The following STARD13 variants were observed in gnomAD, a reference collection of about 807,000 sequenced individuals.
STARD13 encodes the protein stAR-related lipid transfer protein 13.
Under a neutral mutation model 106.4 loss-of-function variants are expected in STARD13, and 62 were observed. That is an observed-to-expected ratio of 0.58 (90% CI 0.48 to 0.72). The LOEUF (loss-of-function observed/expected upper bound fraction) is 0.72. STARD13 is among the 30% of genes least tolerant of loss of function. The pLI, the probability that STARD13 is intolerant of heterozygous loss-of-function variation, is 0.00. For missense variants in STARD13, 1,387 were observed against 1,424.0 expected (o/e 0.97, Z 0.42); for synonymous variants, 565 against 553.0 (o/e 1.02, Z -0.31).
chr13:33,478,139 T>C, the STARD13 span, among the ~76,000 whole-genome samples: 1 of 152,182 alleles, frequency 6.6e-6, no homozygotes, highest in Non-Finnish European at 1.5e-5. Flanking sequence ...AAACTCCCAA[T>C]TTTAGTTGGC....
intron 4 of STARD13, among the ~76,000 whole-genome samples, chr13:33,135,686 C>T (rs1788886238): frequency 6.6e-6 from 1 of 152,092 alleles, no homozygotes; most frequent in Admixed American, 6.5e-5. Context: ...TTTTAACTTG[C>T]CTTAAAAAAC....
At chr13:33,499,605 T>TC in the STARD13 span, among the ~76,000 whole-genome samples, 54 of 27,270 alleles carry the variant, frequency 2.0e-3, 1 homozygote, top group Non-Finnish European at 2.3e-3. Context: ...TTCTTCTTCT[T>TC]TCTTCTTCTT....
intron 6 of STARD13, among the ~76,000 whole-genome samples, chr13:33,126,987 AATCAATGCTC>A (rs1455253313): frequency 2.5e-4 from 38 of 152,386 alleles, no homozygotes; most frequent in South Asian, 1.2e-3. Context: ...TCTTTGAATG[AATCAATGCTC>A]TAAGTGGTAA....
At chr13:33,568,638 T>G in the STARD13 span, among the ~76,000 whole-genome samples, 97 of 148,162 alleles carry the variant, frequency 6.5e-4, 14 homozygotes, top group Middle Eastern at 0.01. Context: ...ATTAGTTTCT[T>G]GGGTTGTTGA....
At chr13:33,351,262 A>G (rs2078076688), upstream of STARD13, among the ~76,000 whole-genome samples, 1 of 152,256 alleles carries the variant, frequency 6.6e-6, no homozygotes, top group African/African-American at 2.4e-5. Context: ...ATAGATTTAC[A>G]TACTTTGAGA....
intron 6 of STARD13, among the ~76,000 whole-genome samples, chr13:33,126,723 A>C (rs74796280): frequency 0.069 from 10,496 of 152,296 alleles, 523 homozygotes; most frequent in East Asian, 0.25. Flanking sequence ...GCATATATTG[A>C]TTTGACCATG....
At chr13:33,512,961 C>T in the STARD13 span, among the ~76,000 whole-genome samples, 1 of 152,154 alleles carries the variant, frequency 6.6e-6, no homozygotes, top group African/African-American at 2.4e-5. Flanking sequence ...ACTGGTTAAG[C>T]CACCCAATGT....
the STARD13 span, among the ~76,000 whole-genome samples, chr13:33,567,023 C>A: frequency 1.9e-4 from 28 of 148,216 alleles, 3 homozygotes; most frequent in Non-Finnish European, 2.1e-4. Flanking sequence ...TTCTAATATT[C>A]CCATAGTGCA....
At chr13:33,329,570 A>G (rs552533345) in intron 1 of STARD13, among the ~76,000 whole-genome samples, 1 of 151,616 alleles carries the variant, frequency 6.6e-6, no homozygotes, top group Non-Finnish European at 1.5e-5. Flanking sequence ...GCTTAGCATA[A>G]CTTCCTCCAG....
intron 1 of STARD13, among the ~76,000 whole-genome samples, chr13:33,323,725 T>G (rs752709825): frequency 6.6e-6 from 1 of 152,228 alleles, no homozygotes; most frequent in Non-Finnish European, 1.5e-5. Flanking sequence ...AAATGGATTC[T>G]GGCAGAAAAC....
chr13:33,136,098 G>A (rs1314192746), intron 4 of STARD13, among the ~76,000 whole-genome samples: 2 of 151,116 alleles, frequency 1.3e-5, no homozygotes, highest in Non-Finnish European at 2.9e-5. Flanking sequence ...TGTAGCCTGG[G>A]TGATGAAGTG....
the STARD13 span, among the ~76,000 whole-genome samples, chr13:33,356,530 C>T: frequency 6.6e-6 from 1 of 152,186 alleles, no homozygotes; most frequent in African/African-American, 2.4e-5. Context: ...TCCGCACCTA[C>T]TAGCTGTGTA....
chr13:33,656,200 T>C, the STARD13 span, among the ~76,000 whole-genome samples: 2 of 152,234 alleles, frequency 1.3e-5, no homozygotes, highest in South Asian at 4.1e-4. Flanking sequence ...ATAGTCTGGT[T>C]TCTCTGTTCT....
At chr13:33,434,081 T>C in the STARD13 span, among the ~76,000 whole-genome samples, 1 of 152,118 alleles carries the variant, frequency 6.6e-6, no homozygotes, top group South Asian at 2.1e-4. Context: ...GGCCAGGCGC[T>C]GTGGCTCACG....
intron 1 of STARD13, among the ~76,000 whole-genome samples, chr13:33,179,166 C>A (rs1372826284): frequency 6.6e-6 from 1 of 152,104 alleles, no homozygotes; most frequent in Admixed American, 6.5e-5. Flanking sequence ...TTAAAAAGAA[C>A]CTGTCAATGT....
At chr13:33,128,805 A>G in intron 5 of STARD13, 124 bp downstream of exon 5, 2 of 942,494 alleles carry the variant, frequency 2.1e-6, no homozygotes, top group Middle Eastern at 2.2e-4. Flanking sequence ...TCCTAATCAC[A>G]TACATCACTT....
intron 3 of STARD13, among the ~76,000 whole-genome samples, chr13:33,158,312 C>T (rs984009005): frequency 6.6e-6 from 1 of 152,102 alleles, no homozygotes; most frequent in African/African-American, 2.4e-5. Flanking sequence ...CCAAACCAAT[C>T]AAAAAAGGTA....
At chr13:33,555,125 G>A in the STARD13 span, among the ~76,000 whole-genome samples, 1 of 152,170 alleles carries the variant, frequency 6.6e-6, no homozygotes, top group African/African-American at 2.4e-5. Flanking sequence ...ATCATAAAGG[G>A]TTTCAAAATG....
chr13:33,234,786 C>A (rs1889103240), intron 1 of STARD13, among the ~76,000 whole-genome samples: 1 of 152,124 alleles, frequency 6.6e-6, no homozygotes, highest in Non-Finnish European at 1.5e-5. Context: ...TTAGTTATGA[C>A]TTTAGAAGGT....
Sources: gnomAD v4.1 joint callset for allele counts (sites outside exome capture counted in the v4.1 genomes callset) on GRCh38, gnomAD v4.1.1 for gene constraint, MANE v1.5 for transcripts, NCBI Gene and HGNC (gene_info 2026-07-23, HGNC 2026-07-21) for gene names.